Variants in MCF2L observed in about 807,000 individuals in gnomAD.
MCF2L encodes MCF.2 cell line derived transforming sequence like, also known as guanine nucleotide exchange factor DBS.
MCF2L carries 97 observed loss-of-function variants against 153.4 expected under a neutral mutation model. The ratio of observed to expected loss-of-function variants is 0.63; its 90% confidence interval spans 0.54 to 0.75. The LOEUF (loss-of-function observed/expected upper bound fraction) is 0.75. MCF2L is among the 30% of genes least tolerant of loss of function. The pLI, the probability that MCF2L is intolerant of heterozygous loss-of-function variation, is 0.00. For missense variants in MCF2L, 1,347 were observed against 1,495.2 expected (o/e 0.90, Z 1.64); for synonymous variants, 659 against 632.2 (o/e 1.04, Z -0.64).
rs573148636 is a variant in MCF2L, at chr13:113,053,160, G to A, written c.370-7433G>A. ...ATAACCACAGGCGAGTCTGCATCGC[G>A]GCCACACTGCCCTCTGGATGCCCAC... On this transcript the variant is annotated intron_variant, in intron 4 of 29. Coordinates refer to ENST00000535094, the MANE Select transcript of MCF2L (RefSeq NM_001112732.3). The surrounding 1 kb of genome is among the most constrained non-coding windows in gnomAD (Gnocchi z 4.4). 4.6e-5 allele frequency among the ~76,000 whole-genome samples: 7 copies of A among 152,248 alleles called. No individual in the cohort carries two copies. The South Asian group carries it at 1.2e-3, about 27-fold the overall frequency.
In MCF2L at chr13:113,087,262, C is replaced by T. The variant is rs1262449122; in HGVS notation, c.2401C>T (p.Leu801=). The change falls in exon 22 of 30, where the codon CTG becomes TTG. Residue 801 remains leucine (L), a synonymous_variant. Coordinates refer to ENST00000535094, the MANE Select transcript of MCF2L (RefSeq NM_001112732.3). ...GAATCTCGGCGACCTGGGCAAGCTG[C>T]TGATGCAGGGCTCGTTCAGCGTCTG... ...DGNLGDLGKL[L]MQGSFSVWTD... 1 of 1,612,298 alleles carries T rather than the reference C, an allele frequency of 6.2e-7. No individual in the cohort carries two copies. The highest frequency in any genetic ancestry group is 1.7e-5 in the Admixed American group (1 of 60,002).
chr13:112,900,556 G>T (rs2081109979), intron 1 of MCF2L, among the ~76,000 whole-genome samples: 1 of 152,060 alleles, frequency 6.6e-6, no homozygotes, highest in Non-Finnish European at 1.5e-5. Context: ...GGTCTCGAAG[G>T]CCTGTGCCCT....
In MCF2L at chr13:113,097,914, T is replaced by C. The variant is rs2035773709; in HGVS notation, c.*1055T>C. ...CCTGCCACCTGGTGACCACCTTGAG[T>C]ACAGAAGTGAAAGTGGGGAGAGTAT... On this transcript the variant is annotated 3_prime_UTR_variant, in exon 30 of 30. Coordinates refer to ENST00000535094, the MANE Select transcript of MCF2L (RefSeq NM_001112732.3). 1 of 152,218 alleles carries C rather than the reference T, an allele frequency of 6.6e-6. No homozygotes were observed. Among genetic ancestry groups the C allele is most frequent in the African/African-American group, 2.4e-5 (1 of 41,426 alleles). The allele number at this position is 152,218 out of a possible 1,614,324, so 9.4% of individuals were successfully genotyped here.
In MCF2L at chr13:112,897,989, C is replaced by A. The variant is rs566899548; in HGVS notation, c.-5+3558C>A. Among the ~76,000 whole-genome samples the A allele has an allele frequency of 2.7e-4, 41 of 152,302 alleles. 1 individual carries two copies. The East Asian group carries it at 7.8e-3, about 29-fold the overall frequency. The stretch of plus-strand genomic sequence containing the variant: ...GTGGCCCGTCCAGCCCCAGCCCCGG[C>A]CCCGGCCCCGGCCCTGGGTCATGGC... On this transcript the variant is annotated intron_variant, in intron 1 of 29. Transcript: ENST00000375608.
rs1193869941 is a variant in MCF2L, at chr13:112,983,932, C to T, written c.79+14474C>T. On this transcript the variant is annotated intron_variant, in intron 1 of 29. Coordinates refer to ENST00000535094, the MANE Select transcript of MCF2L (RefSeq NM_001112732.3). The surrounding 1 kb of genome is among the most constrained non-coding windows in gnomAD (Gnocchi z 4.0). The stretch of plus-strand genomic sequence containing the variant: ...GACTTCCACTCACATGGAGGAGGAG[C>T]CTCCTCTGCCCGGAGGAGACGGTGC... Among the ~76,000 whole-genome samples, 4 of 152,222 alleles carry T rather than the reference C, an allele frequency of 2.6e-5. No homozygotes were observed. Among genetic ancestry groups the T allele is most frequent in the Admixed American group, 2.0e-4 (3 of 15,288 alleles).
At chr13:112,946,142 T>A (rs2081635051) in intron 2 of MCF2L, among the ~76,000 whole-genome samples, 1 of 152,264 alleles carries the variant, frequency 6.6e-6, no homozygotes, top group Non-Finnish European at 1.5e-5. Flanking sequence ...AAATCACTTT[T>A]CACTTTATCA....
In MCF2L at chr13:113,076,043, G is replaced by A. The variant is rs747754490; in HGVS notation, c.1386G>A (p.Ala462=). Reference sequence around the variant, plus strand: ...ACAAGTGCCAGTCCCAGGACGGCGCGGAGGCTGCCCTCCAGGAAATCGAGA... The same window carrying A: ...ACAAGTGCCAGTCCCAGGACGGCGCAGAGGCTGCCCTCCAGGAAATCGAGA... The part of the protein sequence containing the change: ...PVDKCQSQDG[A]EAALQEIEKF... Residue 462 remains alanine (A), a synonymous_variant, in exon 12 of 30, where the codon GCG becomes GCA. Transcript: ENST00000535094. The A allele has an allele frequency of 1.8e-5, 29 of 1,613,894 alleles. No homozygotes were observed. The Admixed American group carries it at 2.0e-4, about 11-fold the overall frequency.
In MCF2L at chr13:113,088,664, T is replaced by C. The variant is rs778752560; in HGVS notation, c.2834+36T>C. ...ACACGCTGCCGCAGGCCTGCGTTTC[T>C]GGAGCAGTCCCGAGCAGGCCATTTG... On this transcript the variant is annotated intron_variant, in intron 25 of 29. Transcript: ENST00000535094. The C allele has an allele frequency of 6.9e-6, 11 of 1,592,200 alleles. No individual in the cohort carries two copies. The South Asian group carries it at 1.2e-4, about 18-fold the overall frequency.
intron 1 of MCF2L, among the ~76,000 whole-genome samples, chr13:112,991,127 A>T (rs2082879885): frequency 6.6e-6 from 1 of 152,236 alleles, no homozygotes; most frequent in Non-Finnish European, 1.5e-5. Context: ...CCTTCCAGGA[A>T]GCAGTCTCAG....
intron 1 of MCF2L, among the ~76,000 whole-genome samples, chr13:112,971,949 A>G (rs138035683): frequency 4.6e-5 from 7 of 152,386 alleles, no homozygotes; most frequent in African/African-American, 7.2e-5. Context: ...TGGTCCTCCA[A>G]CTACAGCATG....
At chr13:113,065,208 G>A (rs757053557) in intron 7 of MCF2L, 123 bp downstream of exon 7, 54 of 1,210,906 alleles carry the variant, frequency 4.5e-5, no homozygotes, top group East Asian at 1.4e-4. Context: ...TCAGCAGCAC[G>A]TAAGACCAAG....
At chr13:113,088,426 T>C in intron 24 of MCF2L, 21 bp downstream of exon 24, 1 of 1,613,292 alleles carries the variant, frequency 6.2e-7, no homozygotes, top group Non-Finnish European at 8.5e-7. Context: ...CTTCAAGCGA[T>C]CGTTTCCCGT....
chr13:112,978,630 G>C (rs1454800953), intron 1 of MCF2L, among the ~76,000 whole-genome samples: 1 of 152,242 alleles, frequency 6.6e-6, no homozygotes, highest in Non-Finnish European at 1.5e-5. Context: ...CCTGTGCAGG[G>C]TGGCAGGACG....
At chr13:112,997,114 C>T (rs917995689) in intron 1 of MCF2L, among the ~76,000 whole-genome samples, 8 of 152,380 alleles carry the variant, frequency 5.3e-5, no homozygotes, top group South Asian at 4.1e-4. Flanking sequence ...CTCGTCCTCA[C>T]GTCTCCATCT....
chr13:112,994,940 C>T (rs769708572), intron 1 of MCF2L, among the ~76,000 whole-genome samples: 18 of 152,214 alleles, frequency 1.2e-4, no homozygotes, highest in African/African-American at 2.4e-4. Flanking sequence ...AGGGGAACAA[C>T]GCCTGCGTCC....
rs553604388 is a variant in MCF2L, at chr13:113,045,156, G to A, written c.279-115G>A. On this transcript the variant is annotated intron_variant, in intron 3 of 29. Coordinates refer to ENST00000535094, the MANE Select transcript of MCF2L (RefSeq NM_001112732.3). The surrounding 1 kb of genome is among the most constrained non-coding windows in gnomAD (Gnocchi z 4.2). Reference sequence around the variant, plus strand: ...GCCATGCCTCTCACCTGGTATTGCAGAAATGGCATCATGAATATGGGGGAT... The same window carrying A: ...GCCATGCCTCTCACCTGGTATTGCAAAAATGGCATCATGAATATGGGGGAT... The A allele has an allele frequency of 1.3e-4, 127 of 1,010,768 alleles. No individual in the cohort carries two copies. The highest frequency in any genetic ancestry group is 2.0e-4 in the Middle Eastern group (1 of 4,896). The allele number at this position is 1,010,768 out of a possible 1,614,324, so 62.6% of individuals were successfully genotyped here. A position where few individuals can be genotyped will look rare whatever the true frequency, so the allele number is the denominator to read the frequency against.
rs944842655 is a variant in MCF2L at position 113,053,260 on chromosome 13, G to A, written c.370-7333G>A. On this transcript the variant is annotated intron_variant, in intron 4 of 29. Coordinates refer to ENST00000535094, the MANE Select transcript of MCF2L (RefSeq NM_001112732.3). This position sits in a 1 kb window ranked among gnomAD's most constrained non-coding sequence, Gnocchi z 4.4. ...AAATCCAGGTCCAGTGAAGGACGGC[G>A]CCCCCGTCAGCTGTCCACCCTTCTC... 2.0e-5 allele frequency among the ~76,000 whole-genome samples: 3 copies of A among 152,118 alleles called. No homozygotes were observed. Among genetic ancestry groups the A allele is most frequent in the Non-Finnish European group, 4.4e-5 (3 of 68,020 alleles).
At chr13:112,940,889 A>G (rs1238911556) in intron 2 of MCF2L, among the ~76,000 whole-genome samples, 1 of 152,128 alleles carries the variant, frequency 6.6e-6, no homozygotes, top group Non-Finnish European at 1.5e-5. Flanking sequence ...TTTGGGTGGC[A>G]TGTGATTTAG....
chr13:112,917,107 T>C (rs1366582431), intron 2 of MCF2L: 2 of 471,160 alleles, frequency 4.2e-6, no homozygotes, highest in Admixed American at 2.3e-5. Context: ...TCTCCATCTG[T>C]ACTCAGCCCC....
Sources: allele counts gnomAD v4.1 joint callset (sites outside exome capture counted in the v4.1 genomes callset), GRCh38; gene constraint gnomAD v4.1.1; non-coding constraint Gnocchi (gnomAD v3.1); transcripts MANE v1.5; gene names NCBI Gene and HGNC (gene_info 2026-07-23, HGNC 2026-07-21).